Variants in CCDC127 observed in about 807,000 individuals in gnomAD.
The protein encoded by CCDC127 is coiled-coil domain-containing protein 127.
CCDC127 carries 2 observed loss-of-function variants against 4.1 expected under a neutral mutation model. The ratio of observed to expected loss-of-function variants is 0.49; its 90% CI spans 0.20 to 1.53. The LOEUF (loss-of-function observed/expected upper bound fraction) is 1.53. Ranked by LOEUF, CCDC127 falls within the 40% of genes most tolerant of loss-of-function variation. The pLI, the probability that CCDC127 is intolerant of heterozygous loss-of-function variation, is 0.23. For synonymous variants in CCDC127, 98 were observed against 120.4 expected, an observed-to-expected ratio of 0.81 and a Z score of 1.22; for missense variants, 271 against 322.9, an observed-to-expected ratio of 0.84 and a Z score of 1.23.
chr5:207,645 G>A (rs1734201264), intron 2 of CCDC127, among the ~76,000 whole-genome samples: 1 of 152,178 alleles, frequency 6.6e-6, no homozygotes, highest in Admixed American at 6.5e-5. Flanking sequence ...AGGACAAGCT[G>A]GAGCTGCCTC....
rs1733996989 is a variant in CCDC127 at position 197,840 on chromosome 5, ACCCCCTC to A, written c.*7450_*7456del. 1 of 82,680 alleles carries A rather than the reference ACCCCCTC, an allele frequency of 1.2e-5. No individual in the cohort carries two copies. The highest frequency in any genetic ancestry group is 5.2e-5 in the African/African-American group (1 of 19,106). 5.1% of individuals were successfully genotyped at this position (82,680 alleles called of 1,614,324 possible). A position where few individuals can be genotyped will look rare whatever the true frequency, so the allele number is the denominator to read the frequency against. On this transcript the variant is annotated 3_prime_UTR_variant, in exon 3 of 3. Coordinates refer to ENST00000296824, the MANE Select transcript of CCDC127 (RefSeq NM_145265.3). The stretch of plus-strand genomic sequence containing the variant: ...TCCCCACCCCAGTGGTCCCTGTGTC[ACCCCCTC>A]CCCGAGTGTGTCCCCACCCCAGGGG...
intron 2 of CCDC127, among the ~76,000 whole-genome samples, chr5:206,374 A>AT (rs1220342624): frequency 6.6e-6 from 1 of 152,248 alleles, no homozygotes; most frequent in African/African-American, 2.4e-5. Context: ...TTATGTTCTG[A>AT]TAAGGACACA....
chr5:216,866 GT>G lies in CCDC127; in HGVS notation c.-10-8del, dbSNP rs1301806805. On this transcript the variant is annotated splice_region_variant and splice_polypyrimidine_tract_variant and intron_variant, in intron 1 of 2. Coordinates refer to ENST00000296824, the MANE Select transcript of CCDC127 (RefSeq NM_145265.3). ...GTTATTCATGGAGATATACCTTGAA[GT>G]AAAGAATAAAAACGTTAACTACTTT... 10 of 1,458,812 alleles carry G rather than the reference GT, an allele frequency of 6.9e-6. No homozygotes were observed. Among genetic ancestry groups the G allele is most frequent in the Non-Finnish European group, 9.5e-6 (10 of 1,050,282 alleles). 90.4% of individuals were successfully genotyped at this position (1,458,812 alleles called of 1,614,324 possible). A position where few individuals can be genotyped will look rare whatever the true frequency, so the allele number is the denominator to read the frequency against.
At chr5:206,521 C>G (rs562964163) in intron 2 of CCDC127, among the ~76,000 whole-genome samples, 1 of 152,220 alleles carries the variant, frequency 6.6e-6, no homozygotes, top group Non-Finnish European at 1.5e-5. Context: ...GGCTCTGCCC[C>G]CTACACCAAG....
At position 198,486 on chromosome 5, in the gene CCDC127, C is replaced by G. The variant is rs1734009100; in HGVS notation, c.*6811G>C. On this transcript the variant is annotated 3_prime_UTR_variant, in exon 3 of 3. Coordinates refer to ENST00000296824, the MANE Select transcript of CCDC127 (RefSeq NM_145265.3). ...AGAAGGGCCCAGGGTGCTGGGTGTC[C>G]TGAGGCCTGGGATTGGGCAGGGCAC... 1.3e-5 allele frequency: 2 copies of G among 152,224 alleles called. No individual in the cohort carries two copies. Among genetic ancestry groups the G allele is most frequent in the South Asian group, 4.1e-4 (2 of 4,832 alleles). 9.4% of individuals were successfully genotyped at this position (152,224 alleles called of 1,614,324 possible).
chr5:210,512 G>A (rs998871962), intron 2 of CCDC127, among the ~76,000 whole-genome samples: 25 of 152,222 alleles, frequency 1.6e-4, no homozygotes, highest in African/African-American at 5.8e-4. Context: ...AGGAGGATAC[G>A]CTGATGGCAA....
chr5:206,803 G>T (rs1734184269), intron 2 of CCDC127, among the ~76,000 whole-genome samples: 1 of 152,178 alleles, frequency 6.6e-6, no homozygotes. Context: ...GACGTGTTCT[G>T]CTTGTACATT....
In CCDC127 at chr5:217,168, A is replaced by C. The variant is rs1205242743; in HGVS notation, c.-10-309T>G. The C allele has an allele frequency of 1.3e-5, 3 of 222,932 alleles. No homozygotes were observed. The East Asian group carries it at 3.8e-4, about 29-fold the overall frequency. 13.8% of individuals were successfully genotyped at this position (222,932 alleles called of 1,614,324 possible). The stretch of plus-strand genomic sequence containing the variant: ...GAAAAAGAAAAAGGAAAAAAAAAAC[A>C]AGAACTTAAGATGAAAGCGACTCAC... On this transcript the variant is annotated intron_variant, in intron 1 of 2. Transcript: ENST00000296824.
At chr5:206,747 T>C (rs1734182041) in intron 2 of CCDC127, among the ~76,000 whole-genome samples, 1 of 152,254 alleles carries the variant, frequency 6.6e-6, no homozygotes, top group South Asian at 2.1e-4. Flanking sequence ...AATAATTTCA[T>C]GCATGTTGGA....
Position 202,919 on chromosome 5 carries a change from G to A in CCDC127, c.*2378C>T, listed in dbSNP as rs1362429525. On this transcript the variant is annotated 3_prime_UTR_variant, in exon 3 of 3. Transcript: ENST00000296824. ...TACAAACAACAACAGGAAGAGTTTTGTCCAGATTTACCGAAAAAATGACTT... is the reference window on the plus strand; with the variant it reads ...TACAAACAACAACAGGAAGAGTTTTATCCAGATTTACCGAAAAAATGACTT... The A allele has an allele frequency of 6.6e-6, 1 of 152,130 alleles. No homozygotes were observed. Among genetic ancestry groups the A allele is most frequent in the Non-Finnish European group, 1.5e-5 (1 of 68,030 alleles). The allele number at this position is 152,130 out of a possible 1,614,324, so 9.4% of individuals were successfully genotyped here.
At chr5:208,968 C>T (rs371226968) in intron 2 of CCDC127, among the ~76,000 whole-genome samples, 1 of 143,334 alleles carries the variant, frequency 7.0e-6, no homozygotes. Context: ...GACTTCAGAG[C>T]AGCTGCCATG....
chr5:213,725 G>A (rs1322934204), intron 2 of CCDC127, among the ~76,000 whole-genome samples: 4 of 152,218 alleles, frequency 2.6e-5, no homozygotes, highest in Admixed American at 6.5e-5. Context: ...TGGAGAAACC[G>A]ATCAGCTCTG....
chr5:213,693 G>A (rs1734321747), intron 2 of CCDC127, among the ~76,000 whole-genome samples: 1 of 152,250 alleles, frequency 6.6e-6, no homozygotes, highest in South Asian at 2.1e-4. Context: ...GGACAGCAGT[G>A]AAACACCAAA....
At chr5:210,281 C>T (rs953459883) in intron 2 of CCDC127, among the ~76,000 whole-genome samples, 5 of 152,250 alleles carry the variant, frequency 3.3e-5, no homozygotes, top group Middle Eastern at 3.4e-3. Flanking sequence ...TAAAAGGAAA[C>T]GATGATAAGC....
intron 1 of CCDC127, 41 bp downstream of exon 1, chr5:218,052 T>C: frequency 9.1e-7 from 1 of 1,095,732 alleles, no homozygotes; most frequent in Non-Finnish European, 1.1e-6. Flanking sequence ...GCTTTAAAAA[T>C]GTTGGTGCCC....
intron 2 of CCDC127, 27 bp from the exon 3 acceptor site, chr5:205,985 T>C (rs779489026): frequency 1.9e-6 from 3 of 1,571,890 alleles, no homozygotes; most frequent in East Asian, 2.3e-5. Context: ...AAAATACACA[T>C]AATGAAAAAG....
At chr5:215,567 G>A (rs1734364492) in intron 2 of CCDC127, 1 of 152,106 alleles carries the variant, frequency 6.6e-6, no homozygotes, top group African/African-American at 2.4e-5. Flanking sequence ...CAAGCCTGCA[G>A]GCGGATGAGC....
intron 1 of CCDC127, among the ~76,000 whole-genome samples, chr5:217,678 C>A (rs946134139): frequency 6.6e-6 from 1 of 151,800 alleles, no homozygotes; most frequent in Non-Finnish European, 1.5e-5. Flanking sequence ...GCTTCTGAGG[C>A]CTCCTCGTGG....
At chr5:217,857 C>G (rs1734453833) in intron 1 of CCDC127, among the ~76,000 whole-genome samples, 1 of 152,248 alleles carries the variant, frequency 6.6e-6, no homozygotes. Flanking sequence ...TACATGTGAC[C>G]TCCACAAACA....
Sources: allele counts gnomAD v4.1 joint callset (sites outside exome capture counted in the v4.1 genomes callset), GRCh38; gene constraint gnomAD v4.1.1; transcripts MANE v1.5; gene names NCBI Gene and HGNC (gene_info 2026-07-23, HGNC 2026-07-21).